The following ANK1 variants were observed in gnomAD, a reference collection of about 807,000 sequenced individuals.
ANK1 encodes ankyrin 1.
A neutral mutation model predicts 210.4 loss-of-function variants in ANK1; 51 were observed. The observed-to-expected ratio is 0.24, with a 90% CI of 0.19 to 0.31. ANK1 has a LOEUF of 0.31. ANK1 is among the 10% of genes least tolerant of loss of function. The pLI is 1.00. For missense variants in ANK1, 2,051 were observed against 2,504.4 expected (o/e 0.82, Z 3.86); for synonymous variants, 967 against 1,025.9 (o/e 0.94, Z 1.10).
Position 41,727,228 on chromosome 8 carries a change from G to A in ANK1, c.426+22C>T, listed in dbSNP as rs1008961316. On this transcript the variant is annotated intron_variant, in intron 5 of 42. Transcript: ENST00000289734. ...CACCTGGGAGACTTCTGGTGGTGAC[G>A]ACATTTTTCCAAGGTACTTACTTCT... 7.5e-6 allele frequency: 12 copies of A among 1,597,926 alleles called. No individual in the cohort carries two copies. The East Asian group carries it at 1.8e-4, about 24-fold the overall frequency.
At chr8:41,734,139 C>T in intron 2 of ANK1, 70 bp from the exon 3 acceptor site, 1 of 1,325,890 alleles carries the variant, frequency 7.5e-7, no homozygotes, top group Non-Finnish European at 1.1e-6. Context: ...CCAGTGGGGG[C>T]CCAGGCCCCT....
intron 39 of ANK1, among the ~76,000 whole-genome samples, chr8:41,666,105 G>A (rs1202480018): frequency 6.6e-6 from 1 of 152,220 alleles, no homozygotes; most frequent in Non-Finnish European, 1.5e-5. Context: ...TCTTGGGAAG[G>A]CTGGGGACCT....
chr8:41,717,198 T>C, intron 12 of ANK1, 147 bp from the exon 13 acceptor site: 1 of 793,274 alleles, frequency 1.3e-6, no homozygotes, highest in South Asian at 1.4e-5. Context: ...TTTAGCCTGG[T>C]ATGTGTGCAT....
chr8:41,854,150 G>A (rs1336060803), intron 1 of ANK1, among the ~76,000 whole-genome samples: 3 of 152,222 alleles, frequency 2.0e-5, no homozygotes, highest in South Asian at 2.1e-4. Flanking sequence ...GCAGCGGGTC[G>A]CTGCTCCAGC....
chr8:41,728,083 G>C, intron 3 of ANK1, 77 bp from the exon 4 acceptor site: 1 of 1,473,164 alleles, frequency 6.8e-7, no homozygotes, highest in South Asian at 1.1e-5. Flanking sequence ...TCTGTGGACA[G>C]GTGCTGCTTG....
chr8:41,842,482 G>A (rs557256062), intron 1 of ANK1, among the ~76,000 whole-genome samples: 43 of 151,270 alleles, frequency 2.8e-4, no homozygotes, highest in Non-Finnish European at 5.6e-4. Context: ...AACAGAGCGA[G>A]ACTCTATCTC....
chr8:41,812,171 A>G (rs926465832), intron 1 of ANK1, among the ~76,000 whole-genome samples: 1 of 152,220 alleles, frequency 6.6e-6, no homozygotes, highest in Non-Finnish European at 1.5e-5. Context: ...ATCCAACCCA[A>G]ATATCTTCAT....
intron 1 of ANK1, among the ~76,000 whole-genome samples, chr8:41,783,804 T>A (rs1425414601): frequency 6.6e-6 from 1 of 152,160 alleles, no homozygotes; most frequent in Non-Finnish European, 1.5e-5. Context: ...GGCTCACACC[T>A]GTAATTCCAG....
rs1367892253 is a variant in ANK1 at position 41,870,903 on chromosome 8, A to C, written c.126+25452T>G. Among the ~76,000 whole-genome samples, 3 of 152,098 alleles carry C rather than the reference A, an allele frequency of 2.0e-5. No individual in the cohort carries two copies. The East Asian group carries it at 5.8e-4, about 29-fold the overall frequency. On this transcript the variant is annotated intron_variant, in intron 1 of 42. Transcript: ENST00000265709. ...GCGAACACTCCTTCTGGAATCAAGG[A>C]TGAGCTGCTCCCCACCCCTCCTGGC...
At chr8:41,701,319 C>T (rs142200662) in intron 22 of ANK1, among the ~76,000 whole-genome samples, 133 of 152,306 alleles carry the variant, frequency 8.7e-4, no homozygotes, top group Middle Eastern at 3.4e-3. Flanking sequence ...GTTTTTGAAA[C>T]TTCATGGGAT....
chr8:41,709,686 A>G (rs1282000844), intron 16 of ANK1, among the ~76,000 whole-genome samples: 1 of 152,170 alleles, frequency 6.6e-6, no homozygotes, highest in African/African-American at 2.4e-5. Flanking sequence ...TGTATTCCCA[A>G]CACTTTGGGA....
chr8:41,739,871 G>A (rs1032654917), intron 2 of ANK1, among the ~76,000 whole-genome samples: 2 of 152,056 alleles, frequency 1.3e-5, no homozygotes, highest in Non-Finnish European at 2.9e-5. Flanking sequence ...CCTTAAATGA[G>A]GTAATTCTCC....
chr8:41,713,811 C>G (rs993362057), intron 16 of ANK1, among the ~76,000 whole-genome samples: 1 of 152,154 alleles, frequency 6.6e-6, no homozygotes, highest in African/African-American at 2.4e-5. Context: ...ACGGGCTCAC[C>G]ACTCCCCAGG....
chr8:41,726,405 T>G (rs1302111113), intron 5 of ANK1, among the ~76,000 whole-genome samples: 1 of 152,144 alleles, frequency 6.6e-6, no homozygotes, highest in East Asian at 1.9e-4. Context: ...TTATTTTATT[T>G]TTGAGACAGG....
chr8:41,700,379 T>G, intron 22 of ANK1: 1 of 1,579,412 alleles, frequency 6.3e-7, no homozygotes, highest in South Asian at 1.1e-5. Context: ...TTGCTTAGGG[T>G]GAAATGCACT....
chr8:41,692,160 G>A (rs1819450447), intron 31 of ANK1, among the ~76,000 whole-genome samples: 1 of 151,888 alleles, frequency 6.6e-6, no homozygotes, highest in African/African-American at 2.4e-5. Flanking sequence ...GGGTTCAAGT[G>A]ATTCTCCTAT....
Position 41,723,632 on chromosome 8 carries a change from T to C in ANK1, c.713A>G (p.Asn238Ser). 1.2e-6 allele frequency: 2 copies of C among 1,612,750 alleles called. No homozygotes were observed. The highest frequency in any genetic ancestry group is 1.7e-6 in the Non-Finnish European group (2 of 1,179,870). The change falls in exon 8 of 43, where the codon AAC (asparagine) becomes AGC (serine). Residue 238 changes from asparagine to serine, a missense_variant and splice_region_variant. Asn to Ser is a conservative substitution (Grantham distance 46). Transcript: ENST00000289734. ...RGASVNFTPQ[N>S]GITPLHIASR... ...GGCGATGTGCAGTGGCGTGATGCCGTTCTGAAGGGAGGAAGCAGGACGGTC... is the reference window on the plus strand; with the variant it reads ...GGCGATGTGCAGTGGCGTGATGCCGCTCTGAAGGGAGGAAGCAGGACGGTC...
At chr8:41,691,758 T>C (rs543608346) in intron 31 of ANK1, among the ~76,000 whole-genome samples, 1 of 152,228 alleles carries the variant, frequency 6.6e-6, no homozygotes, top group African/African-American at 2.4e-5. Flanking sequence ...ATTGGCAAGT[T>C]ACTTAACCTC....
chr8:41,700,265 G>T (rs1822374171), intron 22 of ANK1, among the ~76,000 whole-genome samples: 1 of 152,218 alleles, frequency 6.6e-6, no homozygotes, highest in Admixed American at 6.5e-5. Context: ...CGCCAGGCAT[G>T]GGTCTCATGG....
Sources: gnomAD v4.1 joint callset for allele counts (sites outside exome capture counted in the v4.1 genomes callset) on GRCh38, gnomAD v4.1.1 for gene constraint, MANE v1.5 for transcripts, NCBI Gene and HGNC (gene_info 2026-07-23, HGNC 2026-07-21) for gene names.